Variants in EFCAB14 observed in about 807,000 individuals in gnomAD.
The protein encoded by EFCAB14 is EF-hand calcium-binding domain-containing protein 14.
EFCAB14 carries 43 observed loss-of-function variants against 56.5 expected under a neutral mutation model. The ratio of observed to expected loss-of-function variants is 0.76; its 90% CI spans 0.60 to 0.98. EFCAB14 has a LOEUF of 0.98. EFCAB14 is among the 50% of genes least tolerant of loss of function. The pLI is 0.00. For synonymous variants in EFCAB14, 235 were observed against 212.9 expected (o/e 1.10, Z -0.90); for missense variants, 538 against 580.3 (o/e 0.93, Z 0.75).
At chr1:46,678,691 G>C (rs1676737093) in intron 10 of EFCAB14, 55 bp from the exon 11 acceptor site, 5 of 1,496,922 alleles carry the variant, frequency 3.3e-6, no homozygotes, top group Non-Finnish European at 4.5e-6. Context: ...GCTAAATTTA[G>C]TTAAAAGTAG....
In EFCAB14 at chr1:46,707,944, T is replaced by G. The variant is rs1677256651; in HGVS notation, c.442A>C (p.Asn148His). Reference protein sequence around the residue: ...EKIESGEMGLNKVWINITEMN... With the variant: ...EKIESGEMGLHKVWINITEMN... ...TCTGTGATGTTTATCCAGACTTTGT[T>G]CAAACCCATCTCTCCAGATTCAATC... The change falls in exon 3 of 11, where the codon AAC becomes CAC. Residue 148 changes from asparagine (N) to histidine (H), a missense_variant. By Grantham distance (68) the Asn-to-His change is moderately conservative (BLOSUM62 1). Coordinates refer to ENST00000371933, the MANE Select transcript of EFCAB14 (RefSeq NM_014774.3). 1.9e-6 allele frequency: 3 copies of G among 1,611,766 alleles called. No individual in the cohort carries two copies. Among genetic ancestry groups the G allele is most frequent in the Admixed American group, 1.7e-5 (1 of 59,972 alleles).
chr1:46,717,935 G>A lies in EFCAB14; in HGVS notation c.153C>T (p.Phe51=), dbSNP rs779599798. The change falls in exon 1 of 11, where the codon TTC becomes TTT. Residue 51 remains phenylalanine, a synonymous_variant. Coordinates refer to ENST00000371933, the MANE Select transcript of EFCAB14 (RefSeq NM_014774.3). ...SESSSEEEEE[F]GVVGNRSRFA... ...AGCGAGAGCGATTTCCAACCACACC[G>A]AATTCCTCTTCCTCTTCGGAGCTGG... is the stretch of plus-strand genomic sequence containing the variant. 1.2e-6 allele frequency: 2 copies of A among 1,613,950 alleles called. No homozygotes were observed. Among genetic ancestry groups the A allele is most frequent in the South Asian group, 2.2e-5 (2 of 91,082 alleles).
chr1:46,694,125 C>A (rs1208153689), intron 4 of EFCAB14, among the ~76,000 whole-genome samples: 1 of 152,158 alleles, frequency 6.6e-6, no homozygotes, highest in Non-Finnish European at 1.5e-5. Flanking sequence ...CATAAAAACC[C>A]TAGAAGAAAA....
chr1:46,709,742 C>G (rs1677281118), intron 2 of EFCAB14, among the ~76,000 whole-genome samples: 1 of 152,158 alleles, frequency 6.6e-6, no homozygotes, highest in Non-Finnish European at 1.5e-5. Context: ...AATCCTAGCA[C>G]TTTGGGAGGC....
intron 1 of EFCAB14, 64 bp from the exon 2 acceptor site, chr1:46,716,507 A>G (rs1039327667): frequency 7.0e-6 from 11 of 1,574,020 alleles, no homozygotes; most frequent in African/African-American, 1.4e-5. Flanking sequence ...TTTATTAGCA[A>G]TAGTACACGT....
In EFCAB14 at chr1:46,688,406, C is replaced by T. The variant is rs755140698; in HGVS notation, c.934G>A (p.Asp312Asn). Residue 312 changes from aspartate to asparagine, a missense_variant, in exon 7 of 11, where the codon GAT becomes AAT. Coordinates refer to ENST00000371933, the MANE Select transcript of EFCAB14 (RefSeq NM_014774.3). ...LTQRVNLIES[D>N]VVAMSKVEKK... The stretch of plus-strand genomic sequence containing the variant: ...TCTACCTTGCTCATAGCAACCACAT[C>T]GCTTTCTATCAGGTTGACTCTCTGG... The T allele has an allele frequency of 9.9e-6, 16 of 1,613,878 alleles. No homozygotes were observed. The highest frequency in any genetic ancestry group is 1.2e-5 in the Non-Finnish European group (14 of 1,179,920).
chr1:46,686,085 G>A (rs372356569), intron 8 of EFCAB14, among the ~76,000 whole-genome samples: 1 of 152,134 alleles, frequency 6.6e-6, no homozygotes, highest in Non-Finnish European at 1.5e-5. Context: ...TAGTCACTTG[G>A]TCATAATCTT....
At chr1:46,717,810 TCCTAAGGA>T in intron 1 of EFCAB14, 85 bp downstream of exon 1, 1 of 1,396,760 alleles carries the variant, frequency 7.2e-7, no homozygotes. Context: ...CCTTTTTTCT[TCCTAAGGA>T]CTTCCTTTCT....
At chr1:46,709,435 A>G (rs903563024) in intron 2 of EFCAB14, among the ~76,000 whole-genome samples, 2 of 152,026 alleles carry the variant, frequency 1.3e-5, no homozygotes, top group African/African-American at 4.8e-5. Context: ...CAGCCAGGAC[A>G]CTCGGACCAC....
intron 9 of EFCAB14, 106 bp from the exon 10 acceptor site, chr1:46,683,531 G>A (rs1676830822): frequency 1.7e-6 from 2 of 1,199,968 alleles, no homozygotes; most frequent in African/African-American, 3.1e-5. Flanking sequence ...AATTAATTTA[G>A]AGAAACATTT....
At chr1:46,700,976 A>AGAGTGAGTGAGT (rs1553123117) in intron 3 of EFCAB14, among the ~76,000 whole-genome samples, 1 of 120,912 alleles carries the variant, frequency 8.3e-6, no homozygotes, top group African/African-American at 3.2e-5. Flanking sequence ...AGAGAGAGAG[A>AGAGTGAGTGAGT]GAGTGAGTGA....
In EFCAB14 at chr1:46,717,958, T is replaced by C. The variant is rs1323016251; in HGVS notation, c.130A>G (p.Ser44Gly). 6.2e-7 allele frequency: 1 copy of C among 1,614,082 alleles called. No individual in the cohort carries two copies. The highest frequency in any genetic ancestry group is 1.7e-5 in the Admixed American group (1 of 60,012). The stretch of plus-strand genomic sequence containing the variant: ...CCGAATTCCTCTTCCTCTTCGGAGC[T>C]GGACTCAGAGTCTGAGTCGGGAGGC... Reference protein sequence around the residue: ...TEPPDSDSESSSEEEEEFGVV... With the variant: ...TEPPDSDSESGSEEEEEFGVV... Residue 44 changes from serine to glycine, a missense_variant, in exon 1 of 11, where the codon AGC becomes GGC. Ser to Gly is a moderately conservative substitution (Grantham distance 56). Coordinates refer to ENST00000371933, the MANE Select transcript of EFCAB14 (RefSeq NM_014774.3).
At position 46,691,992 on chromosome 1, in the gene EFCAB14, C is replaced by T. The variant is rs773552004; in HGVS notation, c.580-55G>A. 1.0e-4 allele frequency: 134 copies of T among 1,293,082 alleles called. 1 individual carries two copies. The highest frequency in any genetic ancestry group is 1.3e-4 in the Non-Finnish European group (118 of 907,128). 80.1% of individuals were successfully genotyped at this position (1,293,082 alleles called of 1,614,324 possible). On this transcript the variant is annotated intron_variant, in intron 4 of 10. Coordinates refer to ENST00000371933, the MANE Select transcript of EFCAB14 (RefSeq NM_014774.3). ...AAAGCTTTAAGAGACAACTGACATG[C>T]AATAAACTGTACATATTCAAAAATG... is the stretch of plus-strand genomic sequence containing the variant.
intron 7 of EFCAB14, among the ~76,000 whole-genome samples, chr1:46,688,123 G>A (rs1676918436): frequency 6.6e-6 from 1 of 152,112 alleles, no homozygotes; most frequent in African/African-American, 2.4e-5. Flanking sequence ...CTTGGTAAGC[G>A]ACTCGACCTC....
rs980558996 is a variant in EFCAB14 at position 46,719,082 on chromosome 1, C to G, written c.-995G>C. ...CGGCGGCGGCGGCCGCGAGCTCCAG[C>G]CCCGGGCCATCGCTCCAGCCCCAGA... On this transcript the variant is annotated 5_prime_UTR_variant, in exon 1 of 11. Transcript: ENST00000371933. The surrounding 1 kb of genome is among the most constrained non-coding windows in gnomAD (Gnocchi z 4.0). 13 of 157,498 alleles carry G rather than the reference C, an allele frequency of 8.3e-5. No individual in the cohort carries two copies. Among genetic ancestry groups the G allele is most frequent in the Non-Finnish European group, 1.5e-4 (11 of 71,850 alleles). 9.8% of individuals were successfully genotyped at this position (157,498 alleles called of 1,614,324 possible). A position where few individuals can be genotyped will look rare whatever the true frequency, so the allele number is the denominator to read the frequency against.
intron 8 of EFCAB14, among the ~76,000 whole-genome samples, chr1:46,686,472 T>G (rs1429251759): frequency 6.6e-6 from 1 of 152,242 alleles, no homozygotes; most frequent in Non-Finnish European, 1.5e-5. Context: ...ATCATACTCA[T>G]GATTCATGAC....
intron 2 of EFCAB14, among the ~76,000 whole-genome samples, chr1:46,708,752 T>C (rs910368121): frequency 6.6e-6 from 1 of 152,182 alleles, no homozygotes; most frequent in Admixed American, 6.5e-5. Context: ...TAAAAGAATA[T>C]GCTAGGTGAA....
intron 4 of EFCAB14, among the ~76,000 whole-genome samples, chr1:46,695,157 A>G (rs1677060217): frequency 6.6e-6 from 1 of 152,142 alleles, no homozygotes; most frequent in Admixed American, 6.5e-5. Flanking sequence ...CCAACATGGC[A>G]CATATATACA....
At chr1:46,686,893 A>G in intron 7 of EFCAB14, 23 bp from the exon 8 acceptor site, 1 of 1,610,154 alleles carries the variant, frequency 6.2e-7, no homozygotes, top group Non-Finnish European at 8.5e-7. Flanking sequence ...AACAAAAACA[A>G]ACAAACAAAG....
Sources: gnomAD v4.1 joint callset for allele counts (sites outside exome capture counted in the v4.1 genomes callset) on GRCh38, gnomAD v4.1.1 for gene constraint, Gnocchi (gnomAD v3.1) non-coding constraint, MANE v1.5 for transcripts, NCBI Gene and HGNC (gene_info 2026-07-23, HGNC 2026-07-21) for gene names.